The following AKAP10 variants were observed in gnomAD, a reference collection of about 807,000 sequenced individuals.
AKAP10 encodes the protein A-kinase anchor protein 10, mitochondrial.
AKAP10 carries 24 observed loss-of-function variants against 80.8 expected under a neutral mutation model. That is an observed-to-expected ratio of 0.30 (90% confidence interval 0.22 to 0.42). The LOEUF (loss-of-function observed/expected upper bound fraction) is 0.42, where lower values mean the gene tolerates loss of function less well. Ranked by LOEUF, AKAP10 falls within the 10% of genes least tolerant of loss-of-function variation. The probability of loss-of-function intolerance (pLI) is 1.00; values close to 1 mark genes in which losing one functional copy is unlikely to be tolerated. For missense variants in AKAP10, 661 were observed against 794.9 expected, an observed-to-expected ratio of 0.83 and a Z score of 2.03; for synonymous variants, 291 against 277.7, an observed-to-expected ratio of 1.05 and a Z score of -0.48.
chr17:19,971,844 A>AATCCTCTAATCCCAGGACT (rs2043502073), intron 1 of AKAP10, among the ~76,000 whole-genome samples: 3 of 152,140 alleles, frequency 2.0e-5, no homozygotes, highest in African/African-American at 7.2e-5. Context: ...AGCCAGGAGC[A>AATCCTCTAATCCCAGGACT]TTGGCTCACG....
Position 19,939,539 on chromosome 17 carries a change from A to G in AKAP10, c.1322+174T>C, listed in dbSNP as rs566581562. On this transcript the variant is annotated intron_variant, in intron 8 of 14. Transcript: ENST00000225737. ...ACATACACCTCCCCTTTCCCAGCAG[A>G]AACTTTTGTTCTAAGAACCCCCAAA... Among the ~76,000 whole-genome samples the G allele has an allele frequency of 2.0e-5, 3 of 152,310 alleles. No individual in the cohort carries two copies. In the East Asian group the frequency reaches 5.8e-4, roughly 29 times the overall value.
rs2042622993 is a variant in AKAP10, at chr17:19,905,436, T to TTTCC, written c.*787_*790dup. On this transcript the variant is annotated 3_prime_UTR_variant, in exon 15 of 15. Coordinates refer to ENST00000225737, the MANE Select transcript of AKAP10 (RefSeq NM_007202.4). ...GGAGTCATCGCTATTTCTTTCTTTC[T>TTTCC]TTCCACATGTATTCTGAAGGGAAAG... 1 of 152,272 alleles carries TTTCC rather than the reference T, an allele frequency of 6.6e-6. No individual in the cohort carries two copies. Among genetic ancestry groups the TTTCC allele is most frequent in the African/African-American group, 2.4e-5 (1 of 41,448 alleles). The allele number at this position is 152,272 out of a possible 1,614,324, so 9.4% of individuals were successfully genotyped here.
At chr17:19,924,362 A>G (rs904542592) in intron 11 of AKAP10, 46 bp downstream of exon 11, 1 of 1,340,730 alleles carries the variant, frequency 7.5e-7, no homozygotes. Flanking sequence ...TAAAAGATGC[A>G]AAGTTATTTA....
chr17:19,933,305 C>T (rs2042958221), intron 9 of AKAP10, among the ~76,000 whole-genome samples: 1 of 152,220 alleles, frequency 6.6e-6, no homozygotes, highest in Admixed American at 6.5e-5. Context: ...AGGCGTGAGC[C>T]ACCGTGCCCG....
At chr17:19,927,322 A>C (rs966416943) in intron 10 of AKAP10, among the ~76,000 whole-genome samples, 18 of 152,164 alleles carry the variant, frequency 1.2e-4, no homozygotes, top group Non-Finnish European at 2.5e-4. Flanking sequence ...CAGCAGAATG[A>C]GACCTTATCT....
chr17:19,917,060 C>T (rs2042752477), intron 12 of AKAP10, among the ~76,000 whole-genome samples: 3 of 151,868 alleles, frequency 2.0e-5, no homozygotes, highest in Admixed American at 2.0e-4. Flanking sequence ...GTCAGGAGAT[C>T]GAGACCATCC....
Position 19,969,611 on chromosome 17 carries a change from T to A in AKAP10, c.89-1150A>T, listed in dbSNP as rs775246764. Among the ~76,000 whole-genome samples the A allele has an allele frequency of 1.3e-4, 20 of 151,894 alleles. 1 individual carries two copies. Among genetic ancestry groups the A allele is most frequent in the Middle Eastern group, 3.4e-3 (1 of 294 alleles). On this transcript the variant is annotated intron_variant, in intron 1 of 14. Coordinates refer to ENST00000225737, the MANE Select transcript of AKAP10 (RefSeq NM_007202.4). ...AATAAGAAATGCCAAAACGTGCCCA[T>A]CTCTGTATTTGTGCTCTTAAACATT...
At chr17:19,954,209 C>T (rs533627649) in intron 4 of AKAP10, among the ~76,000 whole-genome samples, 2 of 152,242 alleles carry the variant, frequency 1.3e-5, no homozygotes, top group East Asian at 3.9e-4. Flanking sequence ...TTAAGACTTA[C>T]TATACAGTAA....
chr17:19,910,156 G>A (rs557427182), intron 12 of AKAP10, among the ~76,000 whole-genome samples, 178 bp from the exon 13 acceptor site: 9 of 151,928 alleles, frequency 5.9e-5, no homozygotes, highest in African/African-American at 2.2e-4. Flanking sequence ...GGTGAAACCT[G>A]TCTCTACTAA....
intron 10 of AKAP10, chr17:19,929,599 A>T (rs2042910999): frequency 6.6e-6 from 1 of 152,114 alleles, no homozygotes. Flanking sequence ...TGATAAGTGC[A>T]GTTTTCTATA....
intron 5 of AKAP10, among the ~76,000 whole-genome samples, chr17:19,946,211 ATATATATATTT>A (rs1225316957): frequency 3.2e-4 from 17 of 53,564 alleles, no homozygotes; most frequent in Admixed American, 2.7e-3. Flanking sequence ...TATTTTATAT[ATATATATATTT>A]TATATATATA....
intron 1 of AKAP10, among the ~76,000 whole-genome samples, chr17:19,970,456 T>TA (rs778781830): frequency 2.0e-5 from 3 of 152,240 alleles, no homozygotes; most frequent in Non-Finnish European, 4.4e-5. Flanking sequence ...CCCTAAGTAT[T>TA]ATACATAGAC....
intron 3 of AKAP10, 87 bp from the exon 4 acceptor site, chr17:19,958,658 G>T (rs2043311716): frequency 9.8e-6 from 11 of 1,121,266 alleles, no homozygotes; most frequent in Non-Finnish European, 1.4e-5. Flanking sequence ...GCAACAACTG[G>T]TACCAGAGAC....
intron 12 of AKAP10, among the ~76,000 whole-genome samples, chr17:19,919,784 T>C (rs910783134): frequency 3.9e-5 from 6 of 152,042 alleles, no homozygotes; most frequent in Non-Finnish European, 5.9e-5. Flanking sequence ...AATAAGAAAA[T>C]AGACAATGCT....
chr17:19,951,418 G>A (rs544267928), intron 4 of AKAP10, among the ~76,000 whole-genome samples: 68 of 147,586 alleles, frequency 4.6e-4, no homozygotes, highest in African/African-American at 1.5e-3. Flanking sequence ...CATTGAGAAC[G>A]GGCCATGATG....
intron 12 of AKAP10, among the ~76,000 whole-genome samples, chr17:19,912,081 T>C (rs1216154002): frequency 6.6e-6 from 1 of 152,064 alleles, no homozygotes; most frequent in Non-Finnish European, 1.5e-5. Flanking sequence ...TCTTAAGTTA[T>C]CTTGCTTGCC....
At chr17:19,975,033 T>A (rs2043547624) in intron 1 of AKAP10, among the ~76,000 whole-genome samples, 1 of 152,228 alleles carries the variant, frequency 6.6e-6, no homozygotes, top group Middle Eastern at 3.4e-3. Context: ...ATATTCTTTC[T>A]GTATTTTGTT....
chr17:19,944,597 G>A (rs548665882), intron 5 of AKAP10, among the ~76,000 whole-genome samples: 5 of 152,300 alleles, frequency 3.3e-5, no homozygotes, highest in East Asian at 1.9e-4. Flanking sequence ...GGAGGTTGCC[G>A]TGAGCCAAGA....
intron 2 of AKAP10, 110 bp downstream of exon 2, chr17:19,968,304 T>C: frequency 1.3e-6 from 1 of 754,120 alleles, no homozygotes; most frequent in Non-Finnish European, 2.1e-6. Flanking sequence ...AATTATAAAA[T>C]AAGGCAGAAA....
Sources: gnomAD v4.1 joint callset for allele counts (sites outside exome capture counted in the v4.1 genomes callset) on GRCh38, gnomAD v4.1.1 for gene constraint, MANE v1.5 for transcripts, NCBI Gene and HGNC (gene_info 2026-07-23, HGNC 2026-07-21) for gene names.